Variants in VTI1A observed in about 807,000 individuals in gnomAD.
The protein encoded by VTI1A is vesicle transport through interaction with t-SNAREs 1A, also known as vesicle transport through interaction with t-SNAREs homolog 1A.
Under a neutral mutation model 34.9 loss-of-function variants are expected in VTI1A, and 22 were observed. The ratio of observed to expected loss-of-function variants is 0.63; its 90% CI spans 0.45 to 0.90. The LOEUF is 0.90. VTI1A is among the 40% of genes least tolerant of loss of function. The probability of loss-of-function intolerance (pLI) is 0.00; values close to 1 mark genes in which losing one functional copy is unlikely to be tolerated. For missense variants in VTI1A, 268 were observed against 275.6 expected (o/e 0.97, Z 0.20); for synonymous variants, 87 against 97.3 (o/e 0.89, Z 0.62).
chr10:112,487,274 C>T (rs1848672300), intron 3 of VTI1A, among the ~76,000 whole-genome samples: 4 of 152,074 alleles, frequency 2.6e-5, no homozygotes, highest in Admixed American at 2.0e-4. Flanking sequence ...TGGTTGTGTG[C>T]CAGCACACCT....
chr10:112,476,201 C>T, intron 3 of VTI1A, among the ~76,000 whole-genome samples: 1 of 152,144 alleles, frequency 6.6e-6, no homozygotes, highest in East Asian at 1.9e-4. Context: ...ATTGTTTGCT[C>T]ATAAATAGTA....
chr10:112,461,763 A>T (rs1847736162), intron 2 of VTI1A, among the ~76,000 whole-genome samples: 1 of 152,140 alleles, frequency 6.6e-6, no homozygotes, highest in African/African-American at 2.4e-5. Flanking sequence ...TGTCACCCAG[A>T]CTGGAGTACA....
rs140186911 is a variant in VTI1A, at chr10:112,483,034, AG to A, written c.264+18378del. On this transcript the variant is annotated intron_variant, in intron 3 of 7. Transcript: ENST00000393077. ...AGAAGTAGGCGTAGGAGAAAATAAA[AG>A]CCTAAGAGATGGGGAGGAAAAATAC... is the stretch of plus-strand genomic sequence containing the variant. Among the ~76,000 whole-genome samples the A allele has an allele frequency of 6.4e-4, 98 of 152,312 alleles. 1 individual carries two copies. In the East Asian group the frequency reaches 0.015, roughly 23 times the overall value.
At chr10:112,546,170 C>T (rs1564821623) in intron 5 of VTI1A, among the ~76,000 whole-genome samples, 1 of 148,886 alleles carries the variant, frequency 6.7e-6, no homozygotes. Context: ...TATATATATA[C>T]ACACACACAC....
intron 7 of VTI1A, among the ~76,000 whole-genome samples, chr10:112,814,199 A>G (rs1853427245): frequency 6.6e-6 from 1 of 152,158 alleles, no homozygotes; most frequent in Non-Finnish European, 1.5e-5. Flanking sequence ...GCCCAGCTTC[A>G]TCTCCCCAGC....
chr10:112,591,441 A>AC (rs1844383700), intron 5 of VTI1A, among the ~76,000 whole-genome samples: 1 of 151,926 alleles, frequency 6.6e-6, no homozygotes, highest in Non-Finnish European at 1.5e-5. Flanking sequence ...AATGGCATTA[A>AC]CCCAGGAGGC....
chr10:112,602,313 T>C (rs1341474302), intron 5 of VTI1A, among the ~76,000 whole-genome samples: 9 of 152,190 alleles, frequency 5.9e-5, no homozygotes, highest in Non-Finnish European at 1.3e-4. Context: ...TATCAAATCT[T>C]TTGCTTAGGC....
chr10:112,644,226 A>T lies in VTI1A; in HGVS notation c.428-23992A>T, dbSNP rs575561341. Reference sequence around the variant, plus strand: ...GAGTATTTTAATTCTTCTAATTGTGATAGTTTCCCCACACAGAGAAAACTA... The same window carrying T: ...GAGTATTTTAATTCTTCTAATTGTGTTAGTTTCCCCACACAGAGAAAACTA... On this transcript the variant is annotated intron_variant, in intron 5 of 7. Transcript: ENST00000393077. Among the ~76,000 whole-genome samples, 39 of 152,340 alleles carry T rather than the reference A, an allele frequency of 2.6e-4. No individual in the cohort carries two copies. In the South Asian group the frequency reaches 8.1e-3, roughly 32 times the overall value.
chr10:112,627,496 C>G (rs549920474), intron 5 of VTI1A, among the ~76,000 whole-genome samples: 1 of 152,186 alleles, frequency 6.6e-6, no homozygotes, highest in East Asian at 1.9e-4. Flanking sequence ...GGATCGTCCC[C>G]TTTACCCCTA....
chr10:112,509,104 G>T (rs1324855995), intron 3 of VTI1A, among the ~76,000 whole-genome samples: 1 of 152,224 alleles, frequency 6.6e-6, no homozygotes, highest in East Asian at 1.9e-4. Flanking sequence ...GGCAAACACA[G>T]TTTTGTATGC....
chr10:112,487,387 G>C (rs543234728), intron 3 of VTI1A, among the ~76,000 whole-genome samples: 1 of 152,300 alleles, frequency 6.6e-6, no homozygotes, highest in East Asian at 1.9e-4. Flanking sequence ...GCCTCCCAAA[G>C]TGCTGGGCTT....
Position 112,817,501 on chromosome 10 carries a change from T to C in VTI1A, c.*2118T>C, listed in dbSNP as rs1853558870. ...CCTGTGATTTTACCCCAATTCAACC[T>C]TGGGAGTGGGAAGAATATGAACAGA... On this transcript the variant is annotated 3_prime_UTR_variant, in exon 8 of 8. Coordinates refer to ENST00000393077, the MANE Select transcript of VTI1A (RefSeq NM_145206.4). 1 of 229,960 alleles carries C rather than the reference T, an allele frequency of 4.3e-6. No homozygotes were observed. Among genetic ancestry groups the C allele is most frequent in the Non-Finnish European group, 8.6e-6 (1 of 116,056 alleles). 14.2% of individuals were successfully genotyped at this position (229,960 alleles called of 1,614,324 possible).
At chr10:112,643,679 T>C (rs1376665704) in intron 5 of VTI1A, among the ~76,000 whole-genome samples, 1 of 152,218 alleles carries the variant, frequency 6.6e-6, no homozygotes, top group East Asian at 1.9e-4. Flanking sequence ...CATTCTGTAC[T>C]GCATAAGCTA....
intron 7 of VTI1A, among the ~76,000 whole-genome samples, chr10:112,674,322 G>A (rs1847958205): frequency 6.6e-6 from 1 of 152,078 alleles, no homozygotes. Context: ...AGATTCTTTG[G>A]ACTTAACAGA....
At chr10:112,757,351 ATTTTTTTT>A (rs1175362768) in intron 7 of VTI1A, among the ~76,000 whole-genome samples, 20 of 40,692 alleles carry the variant, frequency 4.9e-4, no homozygotes, top group African/African-American at 1.8e-3. Flanking sequence ...TGTTGCTGTG[ATTTTTTTT>A]TTTTTTTTTT....
At chr10:112,506,491 G>A (rs1849433522) in intron 3 of VTI1A, among the ~76,000 whole-genome samples, 1 of 152,140 alleles carries the variant, frequency 6.6e-6, no homozygotes, top group South Asian at 2.1e-4. Context: ...AGTACAATGT[G>A]AGTCTTTGGG....
intron 4 of VTI1A, among the ~76,000 whole-genome samples, chr10:112,528,890 C>G (rs1051689350): frequency 6.6e-6 from 1 of 152,144 alleles, no homozygotes; most frequent in Admixed American, 6.5e-5. Flanking sequence ...AACGTGTTCA[C>G]TTCTCTTAAT....
intron 3 of VTI1A, among the ~76,000 whole-genome samples, chr10:112,511,163 C>T (rs917058415): frequency 2.6e-5 from 4 of 151,902 alleles, no homozygotes; most frequent in African/African-American, 7.3e-5. Flanking sequence ...CACTCTCTAC[C>T]GGGGTTTACC....
At chr10:112,579,688 A>G (rs1843848534) in intron 5 of VTI1A, among the ~76,000 whole-genome samples, 1 of 152,224 alleles carries the variant, frequency 6.6e-6, no homozygotes, top group South Asian at 2.1e-4. Context: ...AAATACGGGA[A>G]TAAATAAGAT....
Sources: allele counts gnomAD v4.1 joint callset (sites outside exome capture counted in the v4.1 genomes callset), GRCh38; gene constraint gnomAD v4.1.1; transcripts MANE v1.5; gene names NCBI Gene and HGNC (gene_info 2026-07-23, HGNC 2026-07-21).